Variants in DHX8 observed in about 807,000 individuals in gnomAD.
The protein encoded by DHX8 is ATP-dependent RNA helicase DHX8.
DHX8 carries 67 observed loss-of-function variants against 140.7 expected under a neutral mutation model. That is an observed-to-expected ratio of 0.48 (90% CI 0.39 to 0.58). The LOEUF (loss-of-function observed/expected upper bound fraction) is 0.58. Among genes scored for constraint, DHX8 ranks in the 20% least tolerant of loss-of-function variants. DHX8 has a pLI of 0.00. For synonymous variants in DHX8, 533 were observed against 553.2 expected (o/e 0.96, Z 0.51); for missense variants, 887 against 1,550.7 (o/e 0.57, Z 7.19).
intron 17 of DHX8, 111 bp downstream of exon 17, chr17:43,513,613 A>T (rs1969959540): frequency 8.7e-7 from 1 of 1,145,024 alleles, no homozygotes; most frequent in Admixed American, 2.5e-5. Context: ...CTTTTATGAT[A>T]CTGGGTACTA....
chr17:43,487,981 A>AG (rs1235114037), intron 1 of DHX8, among the ~76,000 whole-genome samples: 13 of 151,898 alleles, frequency 8.6e-5, no homozygotes, highest in Admixed American at 6.5e-4. Context: ...TTAAAAAAAA[A>AG]TGAAAAAATA....
chr17:43,496,643 G>A (rs1418069361), intron 9 of DHX8, among the ~76,000 whole-genome samples: 1 of 152,040 alleles, frequency 6.6e-6, no homozygotes, highest in Non-Finnish European at 1.5e-5. Flanking sequence ...AGCTGGGTGT[G>A]GTGGCGCATG....
At chr17:43,512,170 T>C (rs888579681) in intron 16 of DHX8, among the ~76,000 whole-genome samples, 5 of 151,542 alleles carry the variant, frequency 3.3e-5, no homozygotes, top group Non-Finnish European at 5.9e-5. Context: ...GGATGGATCA[T>C]GAGGTCAGGA....
At chr17:43,529,440 A>G (rs1970769974), downstream of DHX8, 2 of 1,548,656 alleles carry the variant, frequency 1.3e-6, no homozygotes, top group Admixed American at 3.8e-5. Context: ...ACCATTTCCC[A>G]GGTTCTCCCA....
At chr17:43,517,602 AG>A in intron 18 of DHX8, 1 of 364,394 alleles carries the variant, frequency 2.7e-6, no homozygotes, top group Non-Finnish European at 5.0e-6. Context: ...AAAGGAAATT[AG>A]AAAAATATAA....
Position 43,490,480 on chromosome 17 carries a change from G to A in DHX8, c.307+17G>A, listed in dbSNP as rs1380521807. On this transcript the variant is annotated intron_variant, in intron 3 of 22. Transcript: ENST00000262415. ...CTAGCAAAGGTAAGCAGAGCTTCCA[G>A]CTGAGCTTAGCTTCTAGAATGGTGT... The A allele has an allele frequency of 4.4e-6, 7 of 1,601,210 alleles. No individual in the cohort carries two copies. The highest frequency in any genetic ancestry group is 4.3e-6 in the Non-Finnish European group (5 of 1,170,548).
intron 3 of DHX8, among the ~76,000 whole-genome samples, chr17:43,543,402 AT>A (rs1163587459): frequency 5.3e-5 from 8 of 151,762 alleles, no homozygotes; most frequent in African/African-American, 1.9e-4. Context: ...AGATGAGAGC[AT>A]TTTCCTCCCC....
At chr17:43,533,131 T>A in intron 2 of DHX8, 1 of 1,592,516 alleles carries the variant, frequency 6.3e-7, no homozygotes, top group South Asian at 1.1e-5. Flanking sequence ...TGGAGAACAC[T>A]CAGGAATTGA....
intron 16 of DHX8, among the ~76,000 whole-genome samples, chr17:43,509,123 A>G (rs1444826602): frequency 3.9e-5 from 6 of 152,218 alleles, no homozygotes; most frequent in Non-Finnish European, 7.3e-5. Context: ...GCTGTGGGGC[A>G]TCCCCCAGTC....
intron 18 of DHX8, 103 bp downstream of exon 18, chr17:43,517,425 C>T (rs1970167343): frequency 7.6e-7 from 1 of 1,321,008 alleles, no homozygotes; most frequent in East Asian, 2.5e-5. Flanking sequence ...CTTTAGTAAC[C>T]TCATGAAAGC....
intron 1 of DHX8, among the ~76,000 whole-genome samples, chr17:43,489,219 C>T (rs1181712012): frequency 6.6e-6 from 1 of 152,080 alleles, no homozygotes; most frequent in African/African-American, 2.4e-5. Context: ...TAGCCAGGCT[C>T]ATCTTGAACT....
Position 43,508,860 on chromosome 17 carries a change from C to G in DHX8, c.2502+340C>G, listed in dbSNP as rs1488417609. On this transcript the variant is annotated intron_variant, in intron 16 of 22. Coordinates refer to ENST00000262415, the MANE Select transcript of DHX8 (RefSeq NM_004941.3). ...GGTCTCGATCTCCTGACCTCGTGAT[C>G]CGCCCGCCTCAGCCTCCCAAAGTGC... Among the ~76,000 whole-genome samples, 6 of 152,054 alleles carry G rather than the reference C, an allele frequency of 3.9e-5. No homozygotes were observed. The East Asian group carries it at 1.2e-3, about 29-fold the overall frequency.
intron 17 of DHX8, among the ~76,000 whole-genome samples, chr17:43,513,857 G>A (rs1001058472): frequency 6.6e-6 from 1 of 151,850 alleles, no homozygotes; most frequent in Non-Finnish European, 1.5e-5. Context: ...GGGATTACAG[G>A]CATGTGCCAC....
chr17:43,517,464 G>T, intron 18 of DHX8, 142 bp downstream of exon 18: 2 of 966,286 alleles, frequency 2.1e-6, no homozygotes, highest in Non-Finnish European at 3.0e-6. Context: ...GCAAATGGCT[G>T]TGATAACAGC....
chr17:43,535,838 G>A (rs1042628856), intron 2 of DHX8, among the ~76,000 whole-genome samples: 1 of 152,174 alleles, frequency 6.6e-6, no homozygotes, highest in Admixed American at 6.5e-5. Flanking sequence ...GGGGGCGGGC[G>A]CACTGGGCTC....
At chr17:43,530,137 A>G (rs1195616438), downstream of DHX8, 2 of 1,569,296 alleles carry the variant, frequency 1.3e-6, no homozygotes, top group African/African-American at 1.4e-5. Flanking sequence ...GAGGGCCCAG[A>G]GAAGCCCTCT....
chr17:43,536,400 C>A, intron 2 of DHX8: 1 of 1,608,524 alleles, frequency 6.2e-7, no homozygotes, highest in Non-Finnish European at 8.5e-7. Context: ...ACTCCCTATA[C>A]CCTCTCCCCA....
chr17:43,525,423 G>GC lies in DHX8; in HGVS notation c.*1577dup, dbSNP rs1315729960. On this transcript the variant is annotated 3_prime_UTR_variant, in exon 23 of 23. Coordinates refer to ENST00000262415, the MANE Select transcript of DHX8 (RefSeq NM_004941.3). ...TCCGAGGGAGAGGAATATAGGCCAG[G>GC]CAATCTGCTGGCTGCAGATCCCTGC... is the stretch of plus-strand genomic sequence containing the variant. 41 of 982,946 alleles carry GC rather than the reference G, an allele frequency of 4.2e-5. No individual in the cohort carries two copies. In the Middle Eastern group the frequency reaches 2.6e-3, roughly 62 times the overall value. The allele number at this position is 982,946 out of a possible 1,614,324, so 60.9% of individuals were successfully genotyped here.
intron 2 of DHX8, among the ~76,000 whole-genome samples, chr17:43,534,989 A>G (rs1971160102): frequency 6.6e-6 from 1 of 152,190 alleles, no homozygotes; most frequent in Non-Finnish European, 1.5e-5. Flanking sequence ...GAGGTTGGAT[A>G]TTGGCCCACT....
Sources: allele counts gnomAD v4.1 joint callset (sites outside exome capture counted in the v4.1 genomes callset), GRCh38; gene constraint gnomAD v4.1.1; transcripts MANE v1.5; gene names NCBI Gene and HGNC (gene_info 2026-07-23, HGNC 2026-07-21).